Variants in CHRM3 observed in about 807,000 individuals in gnomAD.
The protein encoded by CHRM3 is cholinergic receptor muscarinic 3.
In CHRM3, 11 loss-of-function variants were observed where a neutral mutation model predicts 41.8. That is an observed-to-expected ratio of 0.26 (90% CI 0.17 to 0.44). The LOEUF (loss-of-function observed/expected upper bound fraction) is 0.44, where lower values mean the gene tolerates loss of function less well. Ranked by LOEUF, CHRM3 falls within the 20% of genes least tolerant of loss-of-function variation. The probability of loss-of-function intolerance (pLI) is 1.00; values close to 1 mark genes in which losing one functional copy is unlikely to be tolerated. For synonymous variants in CHRM3, 297 were observed against 301.4 expected (o/e 0.99, Z 0.15); for missense variants, 571 against 745.4 (o/e 0.77, Z 2.72).
At chr1:239,409,308 A>T (rs1025631315) in intron 1 of CHRM3, among the ~76,000 whole-genome samples, 5 of 152,154 alleles carry the variant, frequency 3.3e-5, no homozygotes, top group Non-Finnish European at 7.3e-5. Context: ...CAGGATGCTG[A>T]TGTGGGCATA....
In CHRM3 at chr1:239,427,131, T is replaced by G. The variant is rs564887971; in HGVS notation, c.-521+39904T>G. ...AAGATTGGGTGATAGTGATTTAAAGTCATTTTCCTGTGGTAGTAATTAAAG... is the reference window on the plus strand; with the variant it reads ...AAGATTGGGTGATAGTGATTTAAAGGCATTTTCCTGTGGTAGTAATTAAAG... On this transcript the variant is annotated intron_variant, in intron 1 of 6. Transcript: ENST00000676153. 2.0e-5 allele frequency among the ~76,000 whole-genome samples: 3 copies of G among 152,302 alleles called. No homozygotes were observed. In the South Asian group the frequency reaches 6.2e-4, roughly 32 times the overall value.
rs972219012 is a variant in CHRM3 at position 239,581,222 on chromosome 1, CTTA to C, written c.-313+35478_-313+35480del. ...AGAAGGAAAAGCCATATGTCGAGGACTTATTATAGATTTATCTATAGATTATAG... is the reference window on the plus strand; with the variant it reads ...AGAAGGAAAAGCCATATGTCGAGGACTTATAGATTTATCTATAGATTATAG... On this transcript the variant is annotated intron_variant, in intron 3 of 6. Transcript: ENST00000676153. Among the ~76,000 whole-genome samples, 5 of 152,082 alleles carry C rather than the reference CTTA, an allele frequency of 3.3e-5. No homozygotes were observed. The East Asian group carries it at 7.7e-4, about 24-fold the overall frequency.
intron 1 of CHRM3, among the ~76,000 whole-genome samples, chr1:239,469,231 G>C (rs138607156): frequency 6.6e-6 from 1 of 152,118 alleles, no homozygotes; most frequent in Non-Finnish European, 1.5e-5. Context: ...ACAGTGCTTC[G>C]CACTTTCCTG....
At chr1:239,606,659 G>A (rs1464136390) in intron 3 of CHRM3, among the ~76,000 whole-genome samples, 2 of 152,146 alleles carry the variant, frequency 1.3e-5, no homozygotes, top group East Asian at 3.9e-4. Context: ...TTTTAAGACT[G>A]CGAAGAGATC....
chr1:239,881,123 A>G (rs965144595), intron 6 of CHRM3, among the ~76,000 whole-genome samples: 10 of 151,760 alleles, frequency 6.6e-5, no homozygotes, highest in Non-Finnish European at 1.0e-4. Flanking sequence ...CTCTACAAAA[A>G]ATACAAAAAA....
At chr1:239,853,358 A>G (rs941500652) in intron 6 of CHRM3, among the ~76,000 whole-genome samples, 1 of 151,994 alleles carries the variant, frequency 6.6e-6, no homozygotes, top group Non-Finnish European at 1.5e-5. Flanking sequence ...CCAATTTTGT[A>G]AAGTAAATCC....
At chr1:239,618,527 G>A (rs1365994869) in intron 3 of CHRM3, among the ~76,000 whole-genome samples, 1 of 151,726 alleles carries the variant, frequency 6.6e-6, no homozygotes, top group Non-Finnish European at 1.5e-5. Flanking sequence ...GTGGAAAAAT[G>A]ATATACATTC....
intron 2 of CHRM3, among the ~76,000 whole-genome samples, chr1:239,510,821 C>T (rs1250336660): frequency 6.6e-6 from 1 of 152,148 alleles, no homozygotes; most frequent in African/African-American, 2.4e-5. Flanking sequence ...CAGGCATCAA[C>T]CACCGCGGCC....
intron 6 of CHRM3, among the ~76,000 whole-genome samples, chr1:239,839,420 T>C (rs1673595789): frequency 6.6e-6 from 1 of 152,224 alleles, no homozygotes; most frequent in African/African-American, 2.4e-5. Context: ...GTTGGGCTTT[T>C]GGAATGCACT....
chr1:239,559,621 A>G (rs1660678410), intron 3 of CHRM3, among the ~76,000 whole-genome samples: 1 of 152,230 alleles, frequency 6.6e-6, no homozygotes, highest in Non-Finnish European at 1.5e-5. Context: ...TTTAACCTCA[A>G]AACTAAGACA....
intron 1 of CHRM3, among the ~76,000 whole-genome samples, chr1:239,416,273 A>G (rs561477199): frequency 3.9e-5 from 6 of 152,186 alleles, no homozygotes; most frequent in African/African-American, 1.2e-4. Flanking sequence ...ATGACCATAT[A>G]CTATCGATAC....
chr1:239,765,802 G>C (rs138810302), intron 5 of CHRM3, among the ~76,000 whole-genome samples: 1 of 151,202 alleles, frequency 6.6e-6, no homozygotes, highest in Non-Finnish European at 1.5e-5. Flanking sequence ...AAATGAATGA[G>C]TATTTTCTTT....
chr1:239,467,502 G>A (rs983022939), intron 1 of CHRM3, among the ~76,000 whole-genome samples: 1 of 152,034 alleles, frequency 6.6e-6, no homozygotes, highest in African/African-American at 2.4e-5. Flanking sequence ...GGGTTTCACC[G>A]TGTTGGTCAG....
At chr1:239,405,476 A>T (rs914451776) in intron 1 of CHRM3, among the ~76,000 whole-genome samples, 2 of 152,168 alleles carry the variant, frequency 1.3e-5, no homozygotes, top group African/African-American at 2.4e-5. Flanking sequence ...AACAAGCCTG[A>T]TTCTACTCGG....
chr1:239,496,101 G>A (rs10495443), intron 2 of CHRM3, among the ~76,000 whole-genome samples: 27,557 of 151,920 alleles, frequency 0.18, 2,740 homozygotes, highest in Non-Finnish European at 0.21. Flanking sequence ...ATACTTTTAC[G>A]ACTCCTTATT....
chr1:239,753,628 C>T (rs1325231012), intron 5 of CHRM3, among the ~76,000 whole-genome samples: 1 of 152,144 alleles, frequency 6.6e-6, no homozygotes, highest in African/African-American at 2.4e-5. Context: ...TTGGGAATTA[C>T]AATTCAACAT....
intron 5 of CHRM3, among the ~76,000 whole-genome samples, chr1:239,722,066 A>G (rs1663025512): frequency 6.6e-6 from 1 of 151,946 alleles, no homozygotes; most frequent in Non-Finnish European, 1.5e-5. Flanking sequence ...TTCATGGGAC[A>G]GGCATTTAGA....
intron 6 of CHRM3, among the ~76,000 whole-genome samples, chr1:239,867,703 G>A (rs1572536933): frequency 6.8e-6 from 1 of 147,244 alleles, no homozygotes; most frequent in African/African-American, 2.5e-5. Flanking sequence ...AAAAAAAGTC[G>A]TGTCCAGGTA....
chr1:239,909,441 G>A lies in CHRM3; in HGVS notation c.*217G>A. The stretch of plus-strand genomic sequence containing the variant: ...AAAAAGAAAAAAAAAACATACTACT[G>A]AATATAAAGAAATTTATTCTGAAAT... On this transcript the variant is annotated 3_prime_UTR_variant, in exon 7 of 7. Transcript: ENST00000676153. 1 of 458,814 alleles carries A rather than the reference G, an allele frequency of 2.2e-6. No individual in the cohort carries two copies. The highest frequency in any genetic ancestry group is 3.9e-6 in the Non-Finnish European group (1 of 254,300). The allele number at this position is 458,814 out of a possible 1,614,324, so 28.4% of individuals were successfully genotyped here.
Sources: gnomAD v4.1 joint callset for allele counts (sites outside exome capture counted in the v4.1 genomes callset) on GRCh38, gnomAD v4.1.1 for gene constraint, MANE v1.5 for transcripts, NCBI Gene and HGNC (gene_info 2026-07-23, HGNC 2026-07-21) for gene names.